The following ANKRD30A variants were observed in gnomAD, a reference collection of about 807,000 sequenced individuals.
ANKRD30A encodes the protein ankyrin repeat domain 30A, also known as ankyrin repeat domain-containing protein 30A.
ANKRD30A carries 170 observed loss-of-function variants against 166.3 expected under a neutral mutation model. The ratio of observed to expected loss-of-function variants is 1.02; its 90% CI spans 0.90 to 1.16. The LOEUF (loss-of-function observed/expected upper bound fraction) is 1.16. Ranked by LOEUF, ANKRD30A falls within the 50% of genes most tolerant of loss-of-function variation. The pLI, the probability that ANKRD30A is intolerant of heterozygous loss-of-function variation, is 0.00. For missense variants in ANKRD30A, 1,630 were observed against 1,518.0 expected (o/e 1.07, Z -1.23); for synonymous variants, 564 against 508.9 (o/e 1.11, Z -1.46).
chr10:37,152,184 G>A, intron 12 of ANKRD30A, 63 bp downstream of exon 12: 1 of 1,372,050 alleles, frequency 7.3e-7, no homozygotes, highest in Non-Finnish European at 1.0e-6. Flanking sequence ...CATAAAGGCA[G>A]AGGCTTAGGC....
In ANKRD30A at chr10:37,144,980, A is replaced by T; in HGVS notation, c.1394-15A>T. ...AAATGTTATCATGAATATATCTGTG[A>T]TTAACTTTTTATAGATCAGAGGTTC... On this transcript the variant is annotated splice_polypyrimidine_tract_variant and intron_variant, in intron 7 of 35. Transcript: ENST00000361713. 6.4e-7 allele frequency: 1 copy of T among 1,555,372 alleles called. No homozygotes were observed. The highest frequency in any genetic ancestry group is 2.3e-5 in the East Asian group (1 of 44,192).
intron 31 of ANKRD30A, among the ~76,000 whole-genome samples, chr10:37,206,350 A>G (rs1564569427): frequency 6.6e-6 from 1 of 152,156 alleles, no homozygotes. Context: ...GTATTACTAG[A>G]TTTGGCGACT....
the ANKRD30A span, among the ~76,000 whole-genome samples, chr10:37,248,933 G>T: frequency 8.0e-4 from 122 of 152,272 alleles, 1 homozygote; most frequent in South Asian, 1.7e-3. Context: ...TGAGATGTGA[G>T]CACAGCTGCA....
At chr10:37,179,239 A>G (rs1220616150) in intron 24 of ANKRD30A, among the ~76,000 whole-genome samples, 2 of 150,926 alleles carry the variant, frequency 1.3e-5, no homozygotes, top group Non-Finnish European at 3.0e-5. Context: ...TGAAAACCAT[A>G]AAACTCTGAA....
chr10:37,198,040 T>A (rs192210734), intron 29 of ANKRD30A, among the ~76,000 whole-genome samples: 232 of 152,172 alleles, frequency 1.5e-3, no homozygotes, highest in Non-Finnish European at 2.9e-3. Context: ...AAAAGAATTA[T>A]TCATTTCTTT....
chr10:37,217,857 T>G lies in ANKRD30A; in HGVS notation c.3246T>G (p.Ser1082Arg), dbSNP rs557615860. The change falls in exon 33 of 36, where the codon AGT becomes AGG. Residue 1082 changes from serine to arginine, a missense_variant. By Grantham distance (110) the Ser-to-Arg change is moderately radical. Transcript: ENST00000361713. Reference protein sequence around the residue: ...ALRIQDIELKSVESNLNQVSH... With the variant: ...ALRIQDIELKRVESNLNQVSH... ...GAATACAAGATATAGAATTGAAGAGTGTAGAAAGTAATTTGAATCAGGTAA... is the reference window on the plus strand; with the variant it reads ...GAATACAAGATATAGAATTGAAGAGGGTAGAAAGTAATTTGAATCAGGTAA... 146 of 1,553,784 alleles carry G rather than the reference T, an allele frequency of 9.4e-5. No homozygotes were observed. Among genetic ancestry groups the G allele is most frequent in the Non-Finnish European group, 1.2e-4 (140 of 1,157,196 alleles).
At chr10:37,235,457 A>G (rs1342043810), downstream of ANKRD30A, among the ~76,000 whole-genome samples, 1 of 152,222 alleles carries the variant, frequency 6.6e-6, no homozygotes, top group Non-Finnish European at 1.5e-5. Flanking sequence ...TGATTATGCT[A>G]CATGGGAGTG....
At position 37,158,540 on chromosome 10, in the gene ANKRD30A, T is replaced by A; in HGVS notation, c.1854T>A (p.Ile618=). 6.2e-7 allele frequency: 1 copy of A among 1,613,570 alleles called. No individual in the cohort carries two copies. ...LKATCGMKVS[I]PTKALELKDM... ...CTACCTGCGGAATGAAAGTTTCTATTCCAACTAAAGCCTTAGAATTGAAGG... is the reference window on the plus strand; with the variant it reads ...CTACCTGCGGAATGAAAGTTTCTATACCAACTAAAGCCTTAGAATTGAAGG... Residue 618 remains isoleucine (I), a synonymous_variant, in exon 15 of 36, where the codon ATT becomes ATA. Transcript: ENST00000361713.
chr10:37,196,486 T>G (rs944317012), intron 27 of ANKRD30A, among the ~76,000 whole-genome samples: 4 of 152,306 alleles, frequency 2.6e-5, no homozygotes, highest in Non-Finnish European at 4.4e-5. Context: ...AATGATACAC[T>G]GAACCAGACG....
intron 6 of ANKRD30A, among the ~76,000 whole-genome samples, chr10:37,141,484 C>T (rs189110401): frequency 4.7e-5 from 7 of 147,596 alleles, no homozygotes; most frequent in African/African-American, 1.7e-4. Flanking sequence ...GTAGGAGAAT[C>T]GCTTGAGGTA....
At chr10:37,228,105 A>AT (rs1378546703) in intron 34 of ANKRD30A, among the ~76,000 whole-genome samples, 5 of 151,928 alleles carry the variant, frequency 3.3e-5, no homozygotes, top group South Asian at 4.1e-4. Context: ...CTTCATACAT[A>AT]TTTTTTGGAA....
chr10:37,204,758 A>G (rs1841877761), intron 31 of ANKRD30A, among the ~76,000 whole-genome samples: 1 of 152,136 alleles, frequency 6.6e-6, no homozygotes, highest in Non-Finnish European at 1.5e-5. Flanking sequence ...TACAAGAAAA[A>G]ATCAAACACC....
downstream of ANKRD30A, among the ~76,000 whole-genome samples, chr10:37,235,860 C>T (rs1843649857): frequency 6.6e-6 from 1 of 150,544 alleles, no homozygotes; most frequent in South Asian, 2.1e-4. Context: ...AACTCTGCCT[C>T]CCAGGTTCAC....
chr10:37,196,892 C>A (rs1841174236), intron 27 of ANKRD30A, among the ~76,000 whole-genome samples: 1 of 152,134 alleles, frequency 6.6e-6, no homozygotes, highest in Non-Finnish European at 1.5e-5. Context: ...CTCATCATAA[C>A]CATGTACCTT....
Position 37,166,650 on chromosome 10 carries a change from G to T in ANKRD30A, c.2110G>T (p.Ala704Ser). Residue 704 changes from alanine to serine, a missense_variant, in exon 19 of 36, where the codon GCT (alanine) becomes TCT (serine). This residue lies in a region of ANKRD30A where 12 missense variants were observed against 27.4 expected (regional missense o/e 0.44). Coordinates refer to ENST00000361713, the MANE Select transcript of ANKRD30A (RefSeq NM_052997.3). ...VSQKDVCLPK[A>S]AHQKEIDKIN... ...ACAGAAGGATGTGTGTTTACCCAAGGCTGCGCATCAAAAAGAAATAGATAA... is the reference window on the plus strand; with the variant it reads ...ACAGAAGGATGTGTGTTTACCCAAGTCTGCGCATCAAAAAGAAATAGATAA... 1.9e-6 allele frequency: 3 copies of T among 1,598,170 alleles called. No individual in the cohort carries two copies. The highest frequency in any genetic ancestry group is 8.5e-7 in the Non-Finnish European group (1 of 1,173,802).
chr10:37,248,857 A>C, the ANKRD30A span, among the ~76,000 whole-genome samples: 1 of 152,288 alleles, frequency 6.6e-6, no homozygotes, highest in East Asian at 1.9e-4. Context: ...CACAGCTGGA[A>C]GTGGCAGAGC....
intron 34 of ANKRD30A, among the ~76,000 whole-genome samples, chr10:37,227,830 T>C (rs1843231227): frequency 6.6e-6 from 1 of 152,026 alleles, no homozygotes; most frequent in Admixed American, 6.6e-5. Context: ...TAACTCATTG[T>C]AATTTGTACA....
At chr10:37,247,837 G>T in the ANKRD30A span, among the ~76,000 whole-genome samples, 1 of 148,726 alleles carries the variant, frequency 6.7e-6, no homozygotes, top group Admixed American at 6.7e-5. Context: ...AGCGGAGATC[G>T]TGCCACTGTA....
At chr10:37,193,863 G>T (rs916724071) in intron 27 of ANKRD30A, among the ~76,000 whole-genome samples, 1 of 151,630 alleles carries the variant, frequency 6.6e-6, no homozygotes, top group African/African-American at 2.4e-5. Context: ...AAAAGAGCCT[G>T]AATTAGTTCT....
Sources: allele counts gnomAD v4.1 joint callset (sites outside exome capture counted in the v4.1 genomes callset), GRCh38; gene constraint gnomAD v4.1.1; regional missense constraint gnomAD v4.1.1; transcripts MANE v1.5; gene names NCBI Gene and HGNC (gene_info 2026-07-23, HGNC 2026-07-21).